Variants in MEF2C observed in about 807,000 individuals in gnomAD.
MEF2C encodes myocyte-specific enhancer factor 2C.
In MEF2C, 6 loss-of-function variants were observed where a neutral mutation model predicts 50.5. The observed-to-expected ratio is 0.12, with a 90% CI of 0.07 to 0.23. The LOEUF is 0.23. Among genes scored for constraint, MEF2C ranks in the 10% least tolerant of loss-of-function variants. The pLI is 1.00. For missense variants in MEF2C, 276 were observed against 605.0 expected, an observed-to-expected ratio of 0.46 and a Z score of 5.70; for synonymous variants, 183 against 228.0, an observed-to-expected ratio of 0.80 and a Z score of 1.78.
chr5:88,749,277 G>A, intron 5 of MEF2C, 160 bp from the exon 6 acceptor site: 1 of 929,706 alleles, frequency 1.1e-6, no homozygotes, highest in Non-Finnish European at 1.3e-6. Context: ...ATTGTGCCAT[G>A]CTGTGCTCAA....
Position 88,866,216 on chromosome 5 carries a change from C to A in MEF2C, c.-143+16739G>T, listed in dbSNP as rs192121358. Among the ~76,000 whole-genome samples, 499 of 152,250 alleles carry A rather than the reference C, an allele frequency of 3.3e-3. 1 individual carries two copies. The highest frequency in any genetic ancestry group is 0.011 in the African/African-American group (474 of 41,550). On this transcript the variant is annotated intron_variant, in intron 1 of 10. Coordinates refer to ENST00000504921, the MANE Select transcript of MEF2C (RefSeq NM_002397.5). Reference sequence around the variant, plus strand: ...CGGCCCAAGTCACATTTCAAATAGACGAATTTTTAAATACAGAGAGCATAG... The same window carrying A: ...CGGCCCAAGTCACATTTCAAATAGAAGAATTTTTAAATACAGAGAGCATAG...
rs964696434 is a variant in MEF2C at position 88,719,951 on chromosome 5, G to C, written c.*2653C>G. The C allele has an allele frequency of 2.6e-5, 4 of 152,084 alleles. No individual in the cohort carries two copies. Among genetic ancestry groups the C allele is most frequent in the African/African-American group, 9.7e-5 (4 of 41,428 alleles). The allele number at this position is 152,084 out of a possible 1,614,324, so 9.4% of individuals were successfully genotyped here. ...GGTACTTTAGCTTACTTTATCTTCA[G>C]CATTAAAAATTCACTTTTTCTTTGT... On this transcript the variant is annotated 3_prime_UTR_variant, in exon 11 of 11. Coordinates refer to ENST00000504921, the MANE Select transcript of MEF2C (RefSeq NM_002397.5).
At chr5:88,844,157 A>G (rs1014522256) in intron 1 of MEF2C, among the ~76,000 whole-genome samples, 1 of 152,208 alleles carries the variant, frequency 6.6e-6, no homozygotes, top group African/African-American at 2.4e-5. Flanking sequence ...TTTAATGAGC[A>G]TGCCCCAGGC....
intron 1 of MEF2C, among the ~76,000 whole-genome samples, chr5:88,848,151 A>G (rs1819981120): frequency 6.6e-6 from 1 of 152,208 alleles, no homozygotes; most frequent in Non-Finnish European, 1.5e-5. Context: ...TTTTAAAAAG[A>G]TGATATAGAA....
At chr5:88,862,526 T>C (rs1221547782) in intron 1 of MEF2C, among the ~76,000 whole-genome samples, 1 of 152,228 alleles carries the variant, frequency 6.6e-6, no homozygotes. Flanking sequence ...TTCTTTAGTT[T>C]TATTCTTTTA....
At chr5:88,782,848 G>T (rs968915045) in intron 3 of MEF2C, among the ~76,000 whole-genome samples, 23 of 152,126 alleles carry the variant, frequency 1.5e-4, no homozygotes, top group African/African-American at 5.6e-4. Context: ...GATGCCAATT[G>T]TATCACATTT....
At chr5:88,788,332 C>G (rs1254810275) in intron 3 of MEF2C, among the ~76,000 whole-genome samples, 1 of 151,886 alleles carries the variant, frequency 6.6e-6, no homozygotes, top group African/African-American at 2.4e-5. Flanking sequence ...TCCCGAGTAG[C>G]TGGGATTACA....
intron 3 of MEF2C, chr5:88,769,881 T>A (rs1288939219): frequency 1.2e-6 from 1 of 828,700 alleles, no homozygotes; most frequent in Non-Finnish European, 1.5e-6. Context: ...CTTGACCTCA[T>A]GTAATCCACC....
intron 2 of MEF2C, chr5:88,819,362 A>G (rs947575549): frequency 1.0e-5 from 10 of 985,110 alleles, no homozygotes; most frequent in Non-Finnish European, 1.2e-5. Context: ...ATCTTGAGCC[A>G]GTTATTTAGA....
chr5:88,884,327 C>G (rs957530122), upstream of MEF2C: 1 of 152,234 alleles, frequency 6.6e-6, no homozygotes, highest in Non-Finnish European at 1.5e-5. Context: ...CCGTTACTCA[C>G]GCGTAAAAAC....
rs142237526 is a variant in MEF2C at position 88,719,016 on chromosome 5, T to C, written c.*3588A>G. ...CAACAGCCTTTATTGAGGGTTCAAG[T>C]GGCTTCTTCTTCTTTAAAAAAAATG... On this transcript the variant is annotated 3_prime_UTR_variant, in exon 11 of 11. Transcript: ENST00000504921. The C allele has an allele frequency of 3.3e-4, 51 of 152,298 alleles. No individual in the cohort carries two copies. The highest frequency in any genetic ancestry group is 1.2e-3 in the African/African-American group (48 of 41,574). The allele number at this position is 152,298 out of a possible 1,614,324, so 9.4% of individuals were successfully genotyped here. A position where few individuals can be genotyped will look rare whatever the true frequency, so the allele number is the denominator to read the frequency against.
At chr5:88,865,414 T>G (rs1826967308) in intron 1 of MEF2C, among the ~76,000 whole-genome samples, 1 of 152,202 alleles carries the variant, frequency 6.6e-6, no homozygotes, top group East Asian at 1.9e-4. Context: ...AAAAAGGCTT[T>G]TGAAGTGCAG....
intron 2 of MEF2C, among the ~76,000 whole-genome samples, chr5:88,818,701 T>TGGTA (rs1806776040): frequency 6.6e-6 from 1 of 152,020 alleles, no homozygotes; most frequent in African/African-American, 2.4e-5. Context: ...ACTCCTGCTC[T>TGGTA]GGTATCATTC....
At chr5:88,787,592 A>G (rs1791589346) in intron 3 of MEF2C, among the ~76,000 whole-genome samples, 1 of 152,216 alleles carries the variant, frequency 6.6e-6, no homozygotes, top group Non-Finnish European at 1.5e-5. Flanking sequence ...TATATCCTAG[A>G]AGTAAAATTT....
intron 1 of MEF2C, among the ~76,000 whole-genome samples, chr5:88,875,289 C>T (rs2149971385): frequency 6.6e-6 from 1 of 152,056 alleles, no homozygotes; most frequent in East Asian, 1.9e-4. Context: ...TTTTCTCCCC[C>T]TGTACTCTCT....
At chr5:88,875,691 A>T (rs1830837584) in intron 1 of MEF2C, among the ~76,000 whole-genome samples, 1 of 152,024 alleles carries the variant, frequency 6.6e-6, no homozygotes, top group Non-Finnish European at 1.5e-5. Context: ...TTTTCAAGTT[A>T]AAGAAGGGAA....
intron 1 of MEF2C, among the ~76,000 whole-genome samples, chr5:88,901,930 T>C (rs1561503250): frequency 6.6e-6 from 1 of 151,974 alleles, no homozygotes; most frequent in Non-Finnish European, 1.5e-5. Context: ...TCATTTATAC[T>C]TAAATAATTG....
At chr5:88,726,323 A>G (rs1400048287) in intron 10 of MEF2C, among the ~76,000 whole-genome samples, 2 of 152,198 alleles carry the variant, frequency 1.3e-5, no homozygotes. Flanking sequence ...AAATGTATCA[A>G]TTCTTTTTAA....
chr5:88,798,245 T>G (rs914611591), intron 3 of MEF2C, among the ~76,000 whole-genome samples: 5 of 152,156 alleles, frequency 3.3e-5, no homozygotes, highest in Non-Finnish European at 7.3e-5. Flanking sequence ...CCAACTTGGT[T>G]CCATTCTCCC....
Sources: allele counts gnomAD v4.1 joint callset (sites outside exome capture counted in the v4.1 genomes callset), GRCh38; gene constraint gnomAD v4.1.1; transcripts MANE v1.5; gene names NCBI Gene and HGNC (gene_info 2026-07-23, HGNC 2026-07-21).